ZFHX3: variants seen among roughly 807,000 people sequenced by gnomAD.
ZFHX3 encodes zinc finger homeobox protein 3.
A neutral mutation model predicts 279.1 loss-of-function variants in ZFHX3; 42 were observed. The ratio of observed to expected loss-of-function variants is 0.15; its 90% confidence interval spans 0.12 to 0.19. The LOEUF (loss-of-function observed/expected upper bound fraction) is 0.19, where lower values mean the gene tolerates loss of function less well. Ranked by LOEUF, ZFHX3 falls within the 10% of genes least tolerant of loss-of-function variation. The probability of loss-of-function intolerance (pLI) is 1.00; values close to 1 mark genes in which losing one functional copy is unlikely to be tolerated. For missense variants in ZFHX3, 4,981 were observed against 4,754.0 expected (o/e 1.05, Z -1.40); for synonymous variants, 2,293 against 1,957.8 (o/e 1.17, Z -4.52).
At chr16:72,939,442 C>A (rs772137249) in intron 3 of ZFHX3, among the ~76,000 whole-genome samples, 1 of 152,250 alleles carries the variant, frequency 6.6e-6, no homozygotes, top group Non-Finnish European at 1.5e-5. Flanking sequence ...ACACTCCCTG[C>A]CATAAACACA....
intron 1 of ZFHX3, among the ~76,000 whole-genome samples, chr16:73,863,982 C>T (rs190873220): frequency 1.3e-5 from 2 of 152,302 alleles, no homozygotes; most frequent in East Asian, 1.9e-4. Flanking sequence ...CTCCTCAAAA[C>T]TTACGAATAG....
intron 2 of ZFHX3, among the ~76,000 whole-genome samples, chr16:73,607,575 T>A (rs2052203731): frequency 1.3e-5 from 2 of 152,204 alleles, no homozygotes; most frequent in Admixed American, 1.3e-4. Context: ...CCAACATGAT[T>A]GTTTTTGAAG....
chr16:73,051,298 A>C (rs187852886), upstream of ZFHX3, among the ~76,000 whole-genome samples: 3 of 152,360 alleles, frequency 2.0e-5, no homozygotes, highest in African/African-American at 7.2e-5. Context: ...TGAAATAAAC[A>C]AGGAACCATT....
At chr16:73,146,146 T>C (rs2144840150) in intron 5 of ZFHX3, among the ~76,000 whole-genome samples, 1 of 152,198 alleles carries the variant, frequency 6.6e-6, no homozygotes, top group South Asian at 2.1e-4. Flanking sequence ...AAAAATGATC[T>C]GGGCCGGGTG....
At chr16:73,656,743 A>C (rs948406563) in intron 2 of ZFHX3, among the ~76,000 whole-genome samples, 4 of 152,262 alleles carry the variant, frequency 2.6e-5, no homozygotes, top group African/African-American at 7.2e-5. Context: ...AATTATATTC[A>C]AATTTAAACA....
intron 5 of ZFHX3, among the ~76,000 whole-genome samples, chr16:73,200,546 G>C (rs1339768140): frequency 6.6e-6 from 1 of 152,144 alleles, no homozygotes; most frequent in Admixed American, 6.5e-5. Context: ...GTGTATTTTA[G>C]ATTGGCCCTG....
At chr16:73,447,029 A>G (rs555254486) in intron 3 of ZFHX3, among the ~76,000 whole-genome samples, 118 of 152,074 alleles carry the variant, frequency 7.8e-4, no homozygotes, top group Non-Finnish European at 1.4e-3. Flanking sequence ...AAATACAAAA[A>G]AATGAGCCAG....
intron 2 of ZFHX3, among the ~76,000 whole-genome samples, chr16:73,638,181 TGTAAA>T (rs1026482593): frequency 2.9e-4 from 44 of 152,368 alleles, no homozygotes; most frequent in African/African-American, 9.9e-4. Flanking sequence ...TAATCTTGAA[TGTAAA>T]GTAAAGATAT....
At chr16:73,658,820 G>A (rs62043049) in intron 2 of ZFHX3, among the ~76,000 whole-genome samples, 16,231 of 152,044 alleles carry the variant, frequency 0.11, 1,221 homozygotes, top group Middle Eastern at 0.22. Flanking sequence ...ATCTTTGTTC[G>A]AGATTTATCT....
intron 6 of ZFHX3, among the ~76,000 whole-genome samples, chr16:73,138,864 ACT>A (rs1043149168): frequency 7.4e-5 from 11 of 149,242 alleles, no homozygotes; most frequent in Non-Finnish European, 1.5e-4. Flanking sequence ...ATTTTTGAAA[ACT>A]CTTTAGTAGA....
chr16:73,217,682 G>A (rs2012263853), intron 5 of ZFHX3, among the ~76,000 whole-genome samples: 2 of 152,114 alleles, frequency 1.3e-5, no homozygotes, highest in South Asian at 4.1e-4. Flanking sequence ...CGGGGTTTCA[G>A]TCAATATACA....
chr16:73,659,306 A>C (rs1392613096), intron 2 of ZFHX3, among the ~76,000 whole-genome samples: 1 of 152,152 alleles, frequency 6.6e-6, no homozygotes, highest in Non-Finnish European at 1.5e-5. Flanking sequence ...TGTCTGCTGG[A>C]GGACTCAGGG....
chr16:73,294,649 A>G (rs1382705781), intron 4 of ZFHX3, among the ~76,000 whole-genome samples: 3 of 151,920 alleles, frequency 2.0e-5, no homozygotes, highest in Admixed American at 2.0e-4. Context: ...TGTCTCTACT[A>G]AAAATACAAA....
At chr16:73,473,203 GGTGT>G (rs1418396854) in intron 2 of ZFHX3, among the ~76,000 whole-genome samples, 1 of 151,600 alleles carries the variant, frequency 6.6e-6, no homozygotes, top group East Asian at 1.9e-4. Flanking sequence ...TAGGCGTGAT[GGTGT>G]GTGTCTGTGG....
In ZFHX3 at chr16:73,248,576, T is replaced by C. The variant is rs146055676; in HGVS notation, c.-1104+8471A>G. Among the ~76,000 whole-genome samples the C allele has an allele frequency of 5.8e-3, 884 of 151,974 alleles. 6 individuals carry two copies. The highest frequency in any genetic ancestry group is 0.01 in the Non-Finnish European group (696 of 67,938). On this transcript the variant is annotated intron_variant, in intron 5 of 17. Coordinates refer to the ZFHX3 transcript ENST00000641206. ...GTACTGTGTATAAAATGTGTCTGTG[T>C]GTATATGTGCATGTGTGTATGTCCT...
At chr16:73,166,556 C>T (rs986891283) in intron 5 of ZFHX3, among the ~76,000 whole-genome samples, 2 of 152,036 alleles carry the variant, frequency 1.3e-5, no homozygotes, top group Non-Finnish European at 1.5e-5. Flanking sequence ...CCGGATTGGG[C>T]AAGAGCACGG....
chr16:72,959,814 T>C lies in ZFHX3; in HGVS notation c.332A>G (p.Glu111Gly), dbSNP rs2144456458. ...CTCCTCACCGGTGTCGCTGGCGCTC[T>C]CCTCTCTCAGGGGTGGCGGGGGGCG... is the stretch of plus-strand genomic sequence containing the variant. ...SARPPPPLRE[E>G]SASDTGEEGD... Residue 111 changes from glutamate to glycine, a missense_variant, in exon 2 of 10, where the codon GAG (glutamate) becomes GGG (glycine). This residue lies in a region of ZFHX3 where 1,068 missense variants were observed against 935.2 expected (regional missense o/e 1.14). Transcript: ENST00000268489. The C allele has an allele frequency of 1.3e-6, 2 of 1,595,032 alleles. No individual in the cohort carries two copies. Among genetic ancestry groups the C allele is most frequent in the Non-Finnish European group, 1.7e-6 (2 of 1,168,628 alleles).
At chr16:73,566,330 T>C (rs1448497965) in intron 2 of ZFHX3, among the ~76,000 whole-genome samples, 2 of 152,230 alleles carry the variant, frequency 1.3e-5, no homozygotes, top group Non-Finnish European at 2.9e-5. Context: ...TGTATGAGTT[T>C]CCCAGAGCTG....
At chr16:73,790,012 T>C (rs1420877293) in intron 1 of ZFHX3, among the ~76,000 whole-genome samples, 1 of 152,204 alleles carries the variant, frequency 6.6e-6, no homozygotes, top group Admixed American at 6.5e-5. Flanking sequence ...GTTTCCATTA[T>C]AAACCCCTAT....
Sources: gnomAD v4.1 joint callset for allele counts (sites outside exome capture counted in the v4.1 genomes callset) on GRCh38, gnomAD v4.1.1 for gene constraint, gnomAD v4.1.1 regional missense constraint, MANE v1.5 for transcripts, NCBI Gene and HGNC (gene_info 2026-07-23, HGNC 2026-07-21) for gene names.